The following CHKA variants were observed in gnomAD, a reference collection of about 807,000 sequenced individuals.
The protein encoded by CHKA is choline kinase alpha.
Under a neutral mutation model 60.1 loss-of-function variants are expected in CHKA, and 34 were observed. The ratio of observed to expected loss-of-function variants is 0.57; its 90% CI spans 0.43 to 0.75. The LOEUF (loss-of-function observed/expected upper bound fraction) is 0.75, where lower values mean the gene tolerates loss of function less well. Among genes scored for constraint, CHKA ranks in the 30% least tolerant of loss-of-function variants. The pLI, the probability that CHKA is intolerant of heterozygous loss-of-function variation, is 0.00. For synonymous variants in CHKA, 217 were observed against 223.1 expected (o/e 0.97, Z 0.24); for missense variants, 563 against 561.3 (o/e 1.00, Z -0.03).
intron 1 of CHKA, among the ~76,000 whole-genome samples, chr11:68,097,957 A>G (rs1857568101): frequency 6.6e-6 from 1 of 152,126 alleles, no homozygotes; most frequent in Non-Finnish European, 1.5e-5. Flanking sequence ...AAAGCTGGAG[A>G]GCACCATGTG....
chr11:68,069,728 G>T (rs1045643273), intron 6 of CHKA, among the ~76,000 whole-genome samples: 20 of 151,712 alleles, frequency 1.3e-4, no homozygotes, highest in South Asian at 4.2e-4. Flanking sequence ...GTGTACAGAT[G>T]TGAGTGGCCT....
At chr11:68,108,676 G>A (rs890603787) in intron 1 of CHKA, among the ~76,000 whole-genome samples, 4 of 152,180 alleles carry the variant, frequency 2.6e-5, no homozygotes, top group Admixed American at 6.5e-5. Flanking sequence ...CCTGGGAGGC[G>A]GAGCTTGCAG....
intron 2 of CHKA, among the ~76,000 whole-genome samples, chr11:68,090,097 T>C (rs533418934): frequency 1.3e-5 from 2 of 152,284 alleles, no homozygotes; most frequent in East Asian, 3.9e-4. Context: ...AAATTAGACA[T>C]AGTAGTCTGT....
At position 68,121,183 on chromosome 11, in the gene CHKA, A is replaced by ACAGGCGGCCGAGGAGGCG; in HGVS notation, c.-24_-7dup. On this transcript the variant is annotated 5_prime_UTR_variant, in exon 1 of 12. Coordinates refer to ENST00000265689, the MANE Select transcript of CHKA (RefSeq NM_001277.3). ...GTGCAGAATTTGGTTTTCATGCCCG[A>ACAGGCGGCCGAGGAGGCG]CAGGCGGCCGAGGAGGCGCGGGCGG... 1 of 1,178,910 alleles carries ACAGGCGGCCGAGGAGGCG rather than the reference A, an allele frequency of 8.5e-7. No homozygotes were observed. The highest frequency in any genetic ancestry group is 1.7e-5 in the African/African-American group (1 of 60,534). 73.0% of individuals were successfully genotyped at this position (1,178,910 alleles called of 1,614,324 possible).
At chr11:68,107,117 T>C (rs949786839) in intron 1 of CHKA, among the ~76,000 whole-genome samples, 5 of 152,050 alleles carry the variant, frequency 3.3e-5, no homozygotes, top group Admixed American at 2.6e-4. Flanking sequence ...CCGGGCGCAG[T>C]GGCAGGCACC....
intron 1 of CHKA, among the ~76,000 whole-genome samples, chr11:68,112,939 G>T (rs933013315): frequency 1.3e-5 from 2 of 151,612 alleles, no homozygotes; most frequent in Non-Finnish European, 2.9e-5. Flanking sequence ...AAAATTAGCC[G>T]GGCGTGGTGG....
chr11:68,097,078 T>C lies in CHKA; in HGVS notation c.403A>G (p.Thr135Ala), dbSNP rs1857538073. The C allele has an allele frequency of 6.2e-7, 1 of 1,613,750 alleles. No individual in the cohort carries two copies. Among genetic ancestry groups the C allele is most frequent in the African/African-American group, 1.3e-5 (1 of 75,022 alleles). The stretch of plus-strand genomic sequence containing the variant: ...ACTTTCCGAGGCTCATCACCAAGGG[T>C]GGCTGTGGTGTCAGGTAGGGAGCAC... ...FQCSLPDTTA[T>A]LGDEPRKVLL... is the part of the protein sequence containing the mutation. Residue 135 changes from threonine to alanine, a missense_variant, in exon 2 of 12, where the codon ACC (threonine) becomes GCC (alanine). By Grantham distance (58) the Thr-to-Ala change is moderately conservative (BLOSUM62 0). Coordinates refer to ENST00000265689, the MANE Select transcript of CHKA (RefSeq NM_001277.3).
At position 68,121,334 on chromosome 11, in the gene CHKA, G is replaced by GACTGCGGCA; in HGVS notation, c.-158_-157insTGCCGCAGT. 3.1e-6 allele frequency: 1 copy of GACTGCGGCA among 320,106 alleles called. No homozygotes were observed. The highest frequency in any genetic ancestry group is 4.6e-6 in the Non-Finnish European group (1 of 216,136). The allele number at this position is 320,106 out of a possible 1,614,324, so 19.8% of individuals were successfully genotyped here. A position where few individuals can be genotyped will look rare whatever the true frequency, so the allele number is the denominator to read the frequency against. On this transcript the variant is annotated 5_prime_UTR_variant, in exon 1 of 12. Coordinates refer to ENST00000265689, the MANE Select transcript of CHKA (RefSeq NM_001277.3). The stretch of plus-strand genomic sequence containing the variant: ...GCGGGGCGGCGGCGGCGGCTGCGGC[G>GACTGCGGCA]ACTGCGGCGACTGTGGAGCGGGGAT...
intron 11 of CHKA, among the ~76,000 whole-genome samples, chr11:68,056,605 A>G (rs1272432655): frequency 6.6e-6 from 1 of 152,244 alleles, no homozygotes; most frequent in Non-Finnish European, 1.5e-5. Flanking sequence ...GTGGAGGCTG[A>G]CAGGAAGGTG....
chr11:68,070,934 C>G (rs534393411), intron 4 of CHKA, 77 bp from the exon 5 acceptor site: 91 of 1,454,430 alleles, frequency 6.3e-5, no homozygotes, highest in Non-Finnish European at 8.2e-5. Flanking sequence ...GTCTTAGGAA[C>G]GAGAAGTGTT....
chr11:68,096,086 G>A (rs955063665), intron 2 of CHKA, among the ~76,000 whole-genome samples: 1 of 150,842 alleles, frequency 6.6e-6, no homozygotes, highest in East Asian at 2.0e-4. Flanking sequence ...CAACCTGGCC[G>A]GGTGCGGTGG....
chr11:68,120,377 G>A (rs1010629192), intron 1 of CHKA, among the ~76,000 whole-genome samples: 3 of 152,180 alleles, frequency 2.0e-5, no homozygotes, highest in African/African-American at 4.8e-5. Flanking sequence ...CTCTTGGAGA[G>A]GGAACAAGAC....
intron 4 of CHKA, among the ~76,000 whole-genome samples, chr11:68,071,484 G>A (rs1856617276): frequency 6.6e-6 from 1 of 152,344 alleles, no homozygotes; most frequent in African/African-American, 2.4e-5. Context: ...ATCAGCCCGA[G>A]GCCATGCTTG....
chr11:68,075,682 T>C (rs2134565211), intron 3 of CHKA, among the ~76,000 whole-genome samples: 1 of 152,184 alleles, frequency 6.6e-6, no homozygotes, highest in Admixed American at 6.5e-5. Context: ...ATGCCTGTAA[T>C]CCCAACACTT....
Position 68,070,820 on chromosome 11 carries a change from T to A in CHKA, c.668A>T (p.Asp223Val). ...TTTCTCGGCGATTTCTGCAGAAATATCTGGCAAACTTAATTCTTCAGTATC... is the reference window on the plus strand; with the variant it reads ...TTTCTCGGCGATTTCTGCAGAAATAACTGGCAAACTTAATTCTTCAGTATC... ...RLDTEELSLP[D>V]ISAEIAEKMA... Residue 223 changes from aspartate to valine, a missense_variant, in exon 5 of 12, where the codon GAT (aspartate) becomes GTT (valine). Transcript: ENST00000265689. 6.2e-7 allele frequency: 1 copy of A among 1,613,036 alleles called. No homozygotes were observed. Among genetic ancestry groups the A allele is most frequent in the Admixed American group, 1.7e-5 (1 of 60,016 alleles).
At chr11:68,066,331 A>G in intron 8 of CHKA, 98 bp downstream of exon 8, 1 of 1,014,766 alleles carries the variant, frequency 9.9e-7, no homozygotes, top group Non-Finnish European at 1.5e-6. Flanking sequence ...TGCAACTCAG[A>G]GCGGCATTTT....
At chr11:68,054,343 G>A (rs141507470) in intron 11 of CHKA, among the ~76,000 whole-genome samples, 2 of 152,318 alleles carry the variant, frequency 1.3e-5, no homozygotes, top group African/African-American at 2.4e-5. Flanking sequence ...GCTTAGCACT[G>A]CTACCATTCA....
At chr11:68,095,251 A>G (rs945460566) in intron 2 of CHKA, among the ~76,000 whole-genome samples, 8 of 151,508 alleles carry the variant, frequency 5.3e-5, no homozygotes, top group African/African-American at 9.7e-5. Flanking sequence ...AAAAATACAA[A>G]AATTAGCCAG....
chr11:68,078,809 T>G (rs1590850859), intron 3 of CHKA, among the ~76,000 whole-genome samples: 2 of 151,986 alleles, frequency 1.3e-5, no homozygotes, highest in African/African-American at 4.8e-5. Flanking sequence ...TGAAAAAGAC[T>G]AAAGAGAAAT....
Sources: gnomAD v4.1 joint callset for allele counts (sites outside exome capture counted in the v4.1 genomes callset) on GRCh38, gnomAD v4.1.1 for gene constraint, MANE v1.5 for transcripts, NCBI Gene and HGNC (gene_info 2026-07-23, HGNC 2026-07-21) for gene names.